Variants in CBLC observed in about 807,000 individuals in gnomAD.
The protein encoded by CBLC is Cbl proto-oncogene C.
In CBLC, 46 loss-of-function variants were observed where a neutral mutation model predicts 58.6. The observed-to-expected ratio is 0.79, with a 90% CI of 0.62 to 1.00. CBLC has a LOEUF of 1.00. Ranked by LOEUF, CBLC falls within the 50% of genes least tolerant of loss-of-function variation. The probability of loss-of-function intolerance (pLI) is 0.00; values close to 1 mark genes in which losing one functional copy is unlikely to be tolerated. For missense variants in CBLC, 655 were observed against 625.8 expected (o/e 1.05, Z -0.50); for synonymous variants, 271 against 264.2 (o/e 1.03, Z -0.25).
At position 44,780,972 on chromosome 19, in the gene CBLC, G is replaced by T; in HGVS notation, c.421G>T (p.Gly141Trp). Reference sequence around the variant, plus strand: ...CGCAGAGCTGCACGCACTCTTCCCCGGGGGAAAGTACTGTGGACACATGTA... The same window carrying T: ...CGCAGAGCTGCACGCACTCTTCCCCTGGGGAAAGTACTGTGGACACATGTA... ...MHAELHALFP[G>W]GKYCGHMYQL... The change falls in exon 2 of 11, where the codon GGG (glycine) becomes TGG (tryptophan). Residue 141 changes from glycine to tryptophan, a missense_variant. Gly to Trp is a radical substitution (Grantham distance 184). Around this residue, in one of 3 missense-constraint regions of CBLC, gnomAD observed 280 missense variants for 237.2 expected, o/e 1.18. Transcript: ENST00000647358. 6.2e-7 allele frequency: 1 copy of T among 1,613,400 alleles called. No individual in the cohort carries two copies. The highest frequency in any genetic ancestry group is 1.1e-5 in the South Asian group (1 of 91,088).
intron 5 of CBLC, among the ~76,000 whole-genome samples, chr19:44,785,567 GA>G (rs1967881381): frequency 1.3e-5 from 2 of 150,902 alleles, no homozygotes; most frequent in African/African-American, 2.5e-5. Context: ...TAGATAGATA[GA>G]TAGATAGGCA....
Position 44,790,100 on chromosome 19 carries a change from C to A in CBLC, c.1005+9C>A. On this transcript the variant is annotated intron_variant, in intron 6 of 10. Transcript: ENST00000647358. ...GCATCCACGTGTCAGAGGTGAGACCCGCACCTGCACCCGCAGTCCCAGTTC... is the reference window on the plus strand; with the variant it reads ...GCATCCACGTGTCAGAGGTGAGACCAGCACCTGCACCCGCAGTCCCAGTTC... 6.2e-7 allele frequency: 1 copy of A among 1,607,762 alleles called. No individual in the cohort carries two copies. The highest frequency in any genetic ancestry group is 8.5e-7 in the Non-Finnish European group (1 of 1,174,194).
chr19:44,778,347 C>T, intron 1 of CBLC, 63 bp downstream of exon 1: 1 of 1,348,770 alleles, frequency 7.4e-7, no homozygotes, highest in Non-Finnish European at 9.5e-7. Flanking sequence ...CCCAGCCCCT[C>T]CTCCCCCAGA....
intron 6 of CBLC, among the ~76,000 whole-genome samples, chr19:44,791,449 A>C (rs1968046251): frequency 6.6e-6 from 1 of 151,994 alleles, no homozygotes; most frequent in African/African-American, 2.4e-5. Context: ...GAGTGAAGAC[A>C]TGGCCGGGCG....
At chr19:44,780,252 A>C (rs903268057) in intron 1 of CBLC, among the ~76,000 whole-genome samples, 1 of 151,686 alleles carries the variant, frequency 6.6e-6, no homozygotes, top group Admixed American at 6.6e-5. Context: ...CTCCTGCCTC[A>C]GCCTCCCAAG....
intron 7 of CBLC, among the ~76,000 whole-genome samples, chr19:44,793,238 A>T (rs1231401831): frequency 2.6e-5 from 4 of 152,084 alleles, no homozygotes; most frequent in Admixed American, 2.6e-4. Flanking sequence ...CTCCATGGGG[A>T]TCCCTGGCCT....
intron 6 of CBLC, 138 bp from the exon 7 acceptor site, chr19:44,792,245 C>T: frequency 4.8e-6 from 4 of 833,046 alleles, no homozygotes; most frequent in Non-Finnish European, 7.6e-6. Flanking sequence ...CCCCCTGCCT[C>T]AGCCTCCAAA....
chr19:44,793,773 T>A (rs905143355), intron 8 of CBLC, among the ~76,000 whole-genome samples, 153 bp downstream of exon 8: 1 of 148,134 alleles, frequency 6.8e-6, no homozygotes, highest in Non-Finnish European at 1.5e-5. Flanking sequence ...ACTCTGAGTC[T>A]AAGGGAGGAG....
At chr19:44,783,959 T>G (rs1315793547) in intron 4 of CBLC, among the ~76,000 whole-genome samples, 2 of 152,212 alleles carry the variant, frequency 1.3e-5, no homozygotes, top group Non-Finnish European at 2.9e-5. Context: ...CTCCCATCAC[T>G]GTGGTCAGGG....
chr19:44,785,132 C>T (rs1226597085), intron 5 of CBLC, among the ~76,000 whole-genome samples: 6 of 151,230 alleles, frequency 4.0e-5, no homozygotes, highest in Non-Finnish European at 8.8e-5. Flanking sequence ...CCACCACACC[C>T]GGCTAATTTT....
intron 3 of CBLC, among the ~76,000 whole-genome samples, chr19:44,781,950 G>A (rs1336962605): frequency 4.3e-5 from 6 of 138,858 alleles, no homozygotes; most frequent in African/African-American, 1.7e-4. Flanking sequence ...TGGACTCCTG[G>A]GTCTGAGGGA....
Position 44,780,979 on chromosome 19 carries a change from A to T in CBLC, c.428A>T (p.Lys143Met), listed in dbSNP as rs1217917009. ...CTGCACGCACTCTTCCCCGGGGGAA[A>T]GTACTGTGGACACATGTACCAGCTC... is the stretch of plus-strand genomic sequence containing the variant. Reference protein sequence around the residue: ...AELHALFPGGKYCGHMYQLTK... With the variant: ...AELHALFPGGMYCGHMYQLTK... Residue 143 changes from lysine (K) to methionine (M), a missense_variant, in exon 2 of 11, where the codon AAG becomes ATG. This residue lies in a region of CBLC where 280 missense variants were observed against 237.2 expected (regional missense o/e 1.18). Transcript: ENST00000647358. 6.2e-7 allele frequency: 1 copy of T among 1,613,496 alleles called. No homozygotes were observed. The highest frequency in any genetic ancestry group is 1.3e-5 in the African/African-American group (1 of 74,946).
chr19:44,794,113 G>C (rs1599872733), intron 8 of CBLC, 91 bp from the exon 9 acceptor site: 1 of 1,533,986 alleles, frequency 6.5e-7, no homozygotes, highest in Non-Finnish European at 8.8e-7. Context: ...CTAGAACAGT[G>C]CCTGAATGCT....
chr19:44,792,584 C>A, intron 7 of CBLC, 70 bp downstream of exon 7: 1 of 1,411,594 alleles, frequency 7.1e-7, no homozygotes. Context: ...CCAAAAGGAT[C>A]TCCATGCCTC....
intron 9 of CBLC, among the ~76,000 whole-genome samples, chr19:44,796,208 C>A (rs776222879): frequency 6.6e-6 from 1 of 151,954 alleles, no homozygotes; most frequent in Non-Finnish European, 1.5e-5. Context: ...GAGGGTGAGA[C>A]CCTGTCTCAA....
rs1599872911 is a variant in CBLC, at chr19:44,794,231, C to T, written c.1312C>T (p.Pro438Ser). The stretch of plus-strand genomic sequence containing the variant: ...GCCCCTTTCGGCTCCTCCATTGCCC[C>T]CACGGCCAGATCTGCCCCCCAGGAA... Reference protein sequence around the residue: ...QVPLSAPPLPPRPDLPPRKPR... With the variant: ...QVPLSAPPLPSRPDLPPRKPR... The change falls in exon 9 of 11, where the codon CCA becomes TCA. Residue 438 changes from proline (P) to serine (S), a missense_variant. Physicochemically the swap from Pro to Ser is moderately conservative, Grantham distance 74 (BLOSUM62 -1). Transcript: ENST00000647358. 3.7e-6 allele frequency: 6 copies of T among 1,613,204 alleles called. No homozygotes were observed. In the East Asian group the frequency reaches 1.1e-4, roughly 30 times the overall value.
At chr19:44,799,165 T>C (rs1968237377) in intron 9 of CBLC, among the ~76,000 whole-genome samples, 2 of 152,106 alleles carry the variant, frequency 1.3e-5, no homozygotes, top group South Asian at 2.1e-4. Flanking sequence ...CACAGCTGTC[T>C]TCTCAGAGCG....
At chr19:44,781,418 C>G in intron 3 of CBLC, 55 bp downstream of exon 3, 1 of 1,542,430 alleles carries the variant, frequency 6.5e-7, no homozygotes, top group Non-Finnish European at 8.8e-7. Context: ...AAGTAGAGGG[C>G]TGAATCCTGG....
chr19:44,797,204 C>T (rs1968196529), intron 9 of CBLC, among the ~76,000 whole-genome samples: 1 of 152,008 alleles, frequency 6.6e-6, no homozygotes, highest in Non-Finnish European at 1.5e-5. Context: ...ACAGAAGAGA[C>T]AGCCTTGGGT....
Sources: allele counts gnomAD v4.1 joint callset (sites outside exome capture counted in the v4.1 genomes callset), GRCh38; gene constraint gnomAD v4.1.1; regional missense constraint gnomAD v4.1.1; transcripts MANE v1.5; gene names NCBI Gene and HGNC (gene_info 2026-07-23, HGNC 2026-07-21).